The following CRY1 variants were observed in gnomAD, a reference collection of about 807,000 sequenced individuals.
CRY1 encodes the protein cryptochrome circadian regulator 1, also known as cryptochrome-1.
CRY1 carries 45 observed loss-of-function variants against 76.0 expected under a neutral mutation model. The observed-to-expected ratio is 0.59, with a 90% CI of 0.47 to 0.76. The LOEUF (loss-of-function observed/expected upper bound fraction) is 0.76, where lower values mean the gene tolerates loss of function less well. CRY1 is among the 30% of genes least tolerant of loss of function. The pLI is 0.00. For missense variants in CRY1, 587 were observed against 716.4 expected, an observed-to-expected ratio of 0.82 and a Z score of 2.06; for synonymous variants, 248 against 244.0, an observed-to-expected ratio of 1.02 and a Z score of -0.15.
chr12:107,085,264 A>T (rs1953383226), intron 1 of CRY1, among the ~76,000 whole-genome samples: 2 of 152,212 alleles, frequency 1.3e-5, no homozygotes, highest in African/African-American at 4.8e-5. Context: ...GTGATTCCTC[A>T]AGGATCTACA....
chr12:106,997,185 A>G, intron 10 of CRY1, 109 bp downstream of exon 10: 1 of 983,434 alleles, frequency 1.0e-6, no homozygotes, highest in Non-Finnish European at 1.6e-6. Context: ...CTATTAAGCT[A>G]ATTTCAAAGA....
chr12:107,000,179 C>T (rs1376932670), intron 5 of CRY1, 97 bp from the exon 6 acceptor site: 7 of 1,230,754 alleles, frequency 5.7e-6, no homozygotes, highest in Non-Finnish European at 7.8e-6. Context: ...TTACATAGTT[C>T]TTGGGGAATA....
At chr12:107,061,406 T>C (rs1189309421) in intron 1 of CRY1, among the ~76,000 whole-genome samples, 1 of 151,206 alleles carries the variant, frequency 6.6e-6, no homozygotes, top group Non-Finnish European at 1.5e-5. Flanking sequence ...GGAGTCTCAC[T>C]CTGTTGTCCA....
chr12:107,091,191 C>T (rs1882208), intron 1 of CRY1, among the ~76,000 whole-genome samples: 83,498 of 151,822 alleles, frequency 0.55, 23,308 homozygotes, highest in East Asian at 0.73. Flanking sequence ...AGGCATGCGC[C>T]ACCATGCTCA....
At chr12:107,073,537 G>T (rs1953216754) in intron 1 of CRY1, among the ~76,000 whole-genome samples, 1 of 152,084 alleles carries the variant, frequency 6.6e-6, no homozygotes, top group Non-Finnish European at 1.5e-5. Flanking sequence ...GACAAGCCTG[G>T]CCAACATGGT....
chr12:107,073,194 C>CA (rs1178775380), intron 1 of CRY1: 1 of 151,592 alleles, frequency 6.6e-6, no homozygotes, highest in Non-Finnish European at 1.5e-5. Flanking sequence ...AGTTTGAATA[C>CA]AAAAAAGTTT....
rs143338492 is a variant in CRY1, at chr12:107,052,250, A to C, written c.159-30058T>G. Among the ~76,000 whole-genome samples the C allele has an allele frequency of 3.0e-4, 45 of 152,288 alleles. No individual in the cohort carries two copies. In the East Asian group the frequency reaches 7.3e-3, roughly 25 times the overall value. On this transcript the variant is annotated intron_variant, in intron 1 of 12. Coordinates refer to ENST00000008527, the MANE Select transcript of CRY1 (RefSeq NM_004075.5). Reference sequence around the variant, plus strand: ...GAGAGTTTACCATTAGCAGCCTTTTACTATAGAGAATTCTAAAAAATCTAA... The same window carrying C: ...GAGAGTTTACCATTAGCAGCCTTTTCCTATAGAGAATTCTAAAAAATCTAA...
At chr12:107,070,355 A>C (rs890494114) in intron 1 of CRY1, among the ~76,000 whole-genome samples, 10 of 152,236 alleles carry the variant, frequency 6.6e-5, no homozygotes, top group African/African-American at 2.2e-4. Flanking sequence ...TGGGAAAAAA[A>C]CAGAATAAGA....
At chr12:107,028,167 T>C (rs372780907) in intron 1 of CRY1, among the ~76,000 whole-genome samples, 1 of 151,866 alleles carries the variant, frequency 6.6e-6, no homozygotes, top group Non-Finnish European at 1.5e-5. Flanking sequence ...TACACCATCA[T>C]AAAGAAAAAA....
In CRY1 at chr12:107,032,826, T is replaced by A. The variant is rs143123401; in HGVS notation, c.159-10634A>T. 6.8e-3 allele frequency among the ~76,000 whole-genome samples: 1,037 copies of A among 152,328 alleles called. 18 individuals are homozygous for A. Among genetic ancestry groups the A allele is most frequent in the African/African-American group, 0.024 (995 of 41,566 alleles). The stretch of plus-strand genomic sequence containing the variant: ...CAATTTTAAATTGGTATCATTTATA[T>A]GTTTTGAAATTAGAAAATACTTGAA... On this transcript the variant is annotated intron_variant, in intron 1 of 12. Transcript: ENST00000008527.
chr12:107,011,953 A>C (rs1486605785), intron 2 of CRY1, among the ~76,000 whole-genome samples: 1 of 152,120 alleles, frequency 6.6e-6, no homozygotes, highest in Non-Finnish European at 1.5e-5. Flanking sequence ...CACTTTGGGA[A>C]GCTGAGGCAG....
At chr12:107,054,902 G>T (rs1467642921) in intron 1 of CRY1, among the ~76,000 whole-genome samples, 1 of 152,006 alleles carries the variant, frequency 6.6e-6, no homozygotes, top group Non-Finnish European at 1.5e-5. Context: ...ATTTCAAATT[G>T]TATAAAGTAA....
intron 1 of CRY1, among the ~76,000 whole-genome samples, chr12:107,089,765 G>C (rs1201026786): frequency 3.3e-5 from 5 of 152,142 alleles, no homozygotes; most frequent in Non-Finnish European, 5.9e-5. Context: ...ATCTTGCCAG[G>C]CTAAGGAATT....
intron 1 of CRY1, among the ~76,000 whole-genome samples, chr12:107,092,225 AC>A (rs2136906518): frequency 6.6e-6 from 1 of 152,284 alleles, no homozygotes; most frequent in South Asian, 2.1e-4. Flanking sequence ...AAGGACTACA[AC>A]TTGCCTAGAA....
intron 1 of CRY1, among the ~76,000 whole-genome samples, chr12:107,061,276 C>T (rs1014837135): frequency 1.3e-5 from 2 of 152,036 alleles, no homozygotes; most frequent in Non-Finnish European, 2.9e-5. Flanking sequence ...TGATGGCTCA[C>T]TACTATAAGC....
intron 1 of CRY1, among the ~76,000 whole-genome samples, chr12:107,062,485 G>A (rs1438932630): frequency 6.6e-6 from 1 of 151,930 alleles, no homozygotes; most frequent in Admixed American, 6.6e-5. Context: ...TTTCCTTGAT[G>A]CTCAAAGCTA....
intron 1 of CRY1, among the ~76,000 whole-genome samples, chr12:107,024,543 ATTTTTGTAG>A (rs1952587836): frequency 6.6e-6 from 1 of 152,008 alleles, no homozygotes; most frequent in Non-Finnish European, 1.5e-5. Context: ...TGCCCAGCTA[ATTTTTGTAG>A]TTTTTGTAGA....
rs569023811 is a variant in CRY1, at chr12:107,093,126, G to A, written c.-165C>T. ...CTCCGAGGAGGGGACCGGAGAAGGC[G>A]GGGGCGCCGGAGGCGCAGTGGAAAG... On this transcript the variant is annotated 5_prime_UTR_variant, in exon 1 of 13. Transcript: ENST00000008527. The A allele has an allele frequency of 1.4e-4, 108 of 799,210 alleles. No individual in the cohort carries two copies. In the African/African-American group the frequency reaches 1.8e-3, roughly 13 times the overall value. 49.5% of individuals were successfully genotyped at this position (799,210 alleles called of 1,614,324 possible).
chr12:107,011,631 G>A (rs1952444623), intron 2 of CRY1, among the ~76,000 whole-genome samples: 1 of 152,204 alleles, frequency 6.6e-6, no homozygotes, highest in African/African-American at 2.4e-5. Context: ...TCGATTCTGT[G>A]AAGGCTGAGA....
Sources: allele counts gnomAD v4.1 joint callset (sites outside exome capture counted in the v4.1 genomes callset), GRCh38; gene constraint gnomAD v4.1.1; transcripts MANE v1.5; gene names NCBI Gene and HGNC (gene_info 2026-07-23, HGNC 2026-07-21).